The following PRMT2 variants were observed in gnomAD, a reference collection of about 807,000 sequenced individuals.
PRMT2 encodes the protein protein arginine methyltransferase 2.
Under a neutral mutation model 57.6 loss-of-function variants are expected in PRMT2, and 26 were observed. That is an observed-to-expected ratio of 0.45 (90% CI 0.33 to 0.63). The LOEUF is 0.63. Among genes scored for constraint, PRMT2 ranks in the 20% least tolerant of loss-of-function variants. The pLI is 0.02. For synonymous variants in PRMT2, 219 were observed against 220.0 expected (o/e 1.00, Z 0.04); for missense variants, 472 against 564.4 (o/e 0.84, Z 1.66).
chr21:46,648,896 G>A lies in PRMT2; in HGVS notation c.489+277G>A, dbSNP rs1477414680. Among the ~76,000 whole-genome samples the A allele has an allele frequency of 1.3e-5, 2 of 152,210 alleles. No homozygotes were observed. Among genetic ancestry groups the A allele is most frequent in the East Asian group, 1.9e-4 (1 of 5,196 alleles). On this transcript the variant is annotated intron_variant, in intron 6 of 11. Transcript: ENST00000355680. The surrounding 1 kb of genome is among the most constrained non-coding windows in gnomAD (Gnocchi z 4.8). Reference sequence around the variant, plus strand: ...CAATATCCCGTGAATTGCGTGGGGCGGGGTATGTTCTGTGAGACGTTTATT... The same window carrying A: ...CAATATCCCGTGAATTGCGTGGGGCAGGGTATGTTCTGTGAGACGTTTATT...
chr21:46,663,310 A>G, intron 10 of PRMT2, 73 bp from the exon 11 acceptor site: 5 of 1,477,336 alleles, frequency 3.4e-6, no homozygotes, highest in Non-Finnish European at 4.6e-6. Context: ...TGCGAGCCTG[A>G]GTCAGCGCCC....
chr21:46,647,584 C>G (rs1461387108), intron 5 of PRMT2, among the ~76,000 whole-genome samples: 1 of 152,124 alleles, frequency 6.6e-6, no homozygotes, highest in Non-Finnish European at 1.5e-5. Context: ...GCACTGTATC[C>G]TCAAACTCCT....
Position 46,660,796 on chromosome 21 carries a change from A to C in PRMT2, c.831-37A>C. On this transcript the variant is annotated intron_variant, in intron 8 of 11. Coordinates refer to ENST00000355680, the MANE Select transcript of PRMT2 (RefSeq NM_206962.4). ...GTGTTTTGAAGCCTAAGATGTTTGC[A>C]ATGACTCTCAACAGTCGCTTTGACC... 3 of 1,609,692 alleles carry C rather than the reference A, an allele frequency of 1.9e-6. No homozygotes were observed. In the South Asian group the frequency reaches 3.3e-5, roughly 18 times the overall value.
chr21:46,658,728 C>A lies in PRMT2; in HGVS notation c.655-17C>A, dbSNP rs2061575565. 20 of 1,612,018 alleles carry A rather than the reference C, an allele frequency of 1.2e-5. No individual in the cohort carries two copies. Among genetic ancestry groups the A allele is most frequent in the Non-Finnish European group, 1.7e-5 (20 of 1,178,884 alleles). On this transcript the variant is annotated splice_polypyrimidine_tract_variant and intron_variant, in intron 7 of 11. Coordinates refer to ENST00000355680, the MANE Select transcript of PRMT2 (RefSeq NM_206962.4). ...GGCCTGTGATGTGTCTCCTGTGTGT[C>A]TTTCACTCCTATGCAGTTTGAGTTC...
intron 8 of PRMT2, 149 bp from the exon 9 acceptor site, chr21:46,660,684 G>A: frequency 1.0e-6 from 1 of 999,164 alleles, no homozygotes; most frequent in Middle Eastern, 3.1e-4. Flanking sequence ...GGAGGCCTGA[G>A]GGCTGCTCTG....
chr21:46,662,844 C>T (rs554453733), intron 10 of PRMT2, among the ~76,000 whole-genome samples: 1 of 152,174 alleles, frequency 6.6e-6, no homozygotes, highest in African/African-American at 2.4e-5. Flanking sequence ...TTGTCCTCAC[C>T]TTGTAACCTT....
At chr21:46,636,005 T>C in intron 1 of PRMT2, 1 of 152,846 alleles carries the variant, frequency 6.5e-6, no homozygotes, top group Non-Finnish European at 1.5e-5. Flanking sequence ...GTCCAGCGCC[T>C]TCTACGGCCA....
chr21:46,642,482 A>C (rs1192317026), intron 3 of PRMT2, among the ~76,000 whole-genome samples: 1 of 152,260 alleles, frequency 6.6e-6, no homozygotes, highest in African/African-American at 2.4e-5. Flanking sequence ...TAAAAGTCTG[A>C]AAGTATAAAC....
At position 46,648,245 on chromosome 21, in the gene PRMT2, G is replaced by T; in HGVS notation, c.328-213G>T. 4.0e-6 allele frequency: 2 copies of T among 494,602 alleles called. No individual in the cohort carries two copies. The highest frequency in any genetic ancestry group is 3.6e-6 in the Non-Finnish European group (1 of 275,884). 30.6% of individuals were successfully genotyped at this position (494,602 alleles called of 1,614,324 possible). On this transcript the variant is annotated intron_variant, in intron 5 of 11. Transcript: ENST00000355680. The surrounding 1 kb of genome is among the most constrained non-coding windows in gnomAD (Gnocchi z 4.8). ...TTAAATTTGTTCCTAGGTATTTTTT[G>T]TGTATTATTACTGTTATAAGGGGGT... is the stretch of plus-strand genomic sequence containing the variant.
intron 10 of PRMT2, among the ~76,000 whole-genome samples, chr21:46,662,308 G>GT (rs1340079764): frequency 6.6e-6 from 1 of 152,210 alleles, no homozygotes; most frequent in African/African-American, 2.4e-5. Context: ...GGAGGTGCCT[G>GT]TTTTTTGGGA....
intron 3 of PRMT2, 60 bp from the exon 4 acceptor site, chr21:46,643,475 C>CAG: frequency 3.2e-6 from 4 of 1,232,078 alleles, no homozygotes; most frequent in Non-Finnish European, 4.1e-6. Flanking sequence ...ATAATATAGC[C>CAG]AAAAAAAAAA....
chr21:46,651,978 A>T (rs913121373), intron 7 of PRMT2: 5 of 1,613,190 alleles, frequency 3.1e-6, no homozygotes, highest in Non-Finnish European at 4.2e-6. Flanking sequence ...TCAGGCCTTC[A>T]TCTCTCCTGG....
intron 10 of PRMT2, among the ~76,000 whole-genome samples, 171 bp downstream of exon 10, chr21:46,662,107 T>C (rs114416646): frequency 0.03 from 4,578 of 150,562 alleles, 240 homozygotes; most frequent in African/African-American, 0.11. Flanking sequence ...GGGGCACGGG[T>C]GGTGTAGACA....
chr21:46,657,384 A>G (rs996857449), intron 7 of PRMT2: 1 of 150,544 alleles, frequency 6.6e-6, no homozygotes, highest in Admixed American at 6.6e-5. Context: ...TGCAAAAAAA[A>G]AAAAAACAAA....
chr21:46,663,378 T>G lies in PRMT2; in HGVS notation c.1098-5T>G. The G allele has an allele frequency of 6.2e-7, 1 of 1,608,156 alleles. No homozygotes were observed. The highest frequency in any genetic ancestry group is 8.5e-7 in the Non-Finnish European group (1 of 1,175,542). ...CTCCAGGTCACACGCACCCCTGTCTTGCAGCACCACACACTGGAAGCAGAC... is the reference window on the plus strand; with the variant it reads ...CTCCAGGTCACACGCACCCCTGTCTGGCAGCACCACACACTGGAAGCAGAC... On this transcript the variant is annotated splice_polypyrimidine_tract_variant and splice_region_variant and intron_variant, in intron 10 of 11. Transcript: ENST00000355680.
intron 3 of PRMT2, among the ~76,000 whole-genome samples, chr21:46,640,297 AT>A (rs1267519933): frequency 2.6e-5 from 4 of 151,912 alleles, no homozygotes; most frequent in Non-Finnish European, 4.4e-5. Flanking sequence ...CCCACATATT[AT>A]TTGCCTTTTT....
intron 7 of PRMT2, among the ~76,000 whole-genome samples, chr21:46,656,438 A>C (rs1329301679): frequency 6.6e-6 from 1 of 152,248 alleles, no homozygotes; most frequent in African/African-American, 2.4e-5. Flanking sequence ...TGGAGGAACT[A>C]TACTACTTGA....
In PRMT2 at chr21:46,658,894, G is replaced by A. The variant is rs756310635; in HGVS notation, c.804G>A (p.Ala268=). The A allele has an allele frequency of 5.6e-6, 9 of 1,613,988 alleles. No homozygotes were observed. The East Asian group carries it at 6.7e-5, about 12-fold the overall frequency. The change falls in exon 8 of 12, where the codon GCG becomes GCA. Residue 268 remains alanine (A), a synonymous_variant. Transcript: ENST00000355680. The part of the protein sequence containing the change: ...YRSKVLFWDN[A]YEFNLSALKS... ...GCAAGGTGCTCTTCTGGGACAACGC[G>A]TACGAGTTCAACCTCAGCGCTCTGA...
At chr21:46,641,617 G>A (rs1378615142) in intron 3 of PRMT2, among the ~76,000 whole-genome samples, 1 of 152,132 alleles carries the variant, frequency 6.6e-6, no homozygotes, top group Non-Finnish European at 1.5e-5. Context: ...GCTTGAACTG[G>A]GGAGGTGGAG....
Sources: gnomAD v4.1 joint callset for allele counts (sites outside exome capture counted in the v4.1 genomes callset) on GRCh38, gnomAD v4.1.1 for gene constraint, Gnocchi (gnomAD v3.1) non-coding constraint, MANE v1.5 for transcripts, NCBI Gene and HGNC (gene_info 2026-07-23, HGNC 2026-07-21) for gene names.